CREBZF: variants seen among roughly 807,000 people sequenced by gnomAD.
CREBZF encodes HCF-binding transcription factor Zhangfei.
Under a neutral mutation model 21.1 loss-of-function variants are expected in CREBZF, and 8 were observed. That is an observed-to-expected ratio of 0.38 (90% CI 0.22 to 0.68). The LOEUF is 0.68. Ranked by LOEUF, CREBZF falls within the 30% of genes least tolerant of loss-of-function variation. The pLI is 0.51. For missense variants in CREBZF, 518 were observed against 484.3 expected (o/e 1.07, Z -0.65); for synonymous variants, 270 against 223.3 (o/e 1.21, Z -1.86).
intron 1 of CREBZF, among the ~76,000 whole-genome samples, chr11:85,673,251 T>C (rs1325694881): frequency 6.6e-6 from 1 of 152,100 alleles, no homozygotes; most frequent in Non-Finnish European, 1.5e-5. Flanking sequence ...ATTGGAGCAG[T>C]GATAGCAGGG....
intron 1 of CREBZF, among the ~76,000 whole-genome samples, chr11:85,676,970 CTT>C (rs1422368391): frequency 8.4e-6 from 1 of 118,634 alleles, no homozygotes. Context: ...CTTTTTCTGT[CTT>C]TTTTTTTTTG....
At chr11:85,682,149 A>C (rs1368509476) in intron 1 of CREBZF, among the ~76,000 whole-genome samples, 2 of 152,192 alleles carry the variant, frequency 1.3e-5, no homozygotes, top group African/African-American at 2.4e-5. Context: ...CCAGGGCCTT[A>C]GGTTCAAAAC....
At chr11:85,678,964 T>C (rs1356655393) in intron 1 of CREBZF, among the ~76,000 whole-genome samples, 2 of 152,118 alleles carry the variant, frequency 1.3e-5, no homozygotes, top group African/African-American at 4.8e-5. Context: ...AGGGGAAGGA[T>C]TGAGTAAGAT....
intron 1 of CREBZF, among the ~76,000 whole-genome samples, chr11:85,676,158 C>A (rs12271255): frequency 4.3e-4 from 66 of 152,262 alleles, no homozygotes; most frequent in African/African-American, 1.3e-3. Context: ...ACAGTTGCTG[C>A]CACTCAAGTT....
At chr11:85,665,209 G>C, upstream of CREBZF, 1 of 322,894 alleles carries the variant, frequency 3.1e-6, no homozygotes, top group Non-Finnish European at 5.9e-6. Context: ...GGGTGCTTTA[G>C]AGTGGGAATA....
rs766822001 is a variant in CREBZF, at chr11:85,664,654, G to T, written c.222C>A (p.Ala74=). The part of the protein sequence containing the change: ...EAGRGSRGGV[A]VRAPSPEEME... ...TCTCCTCGGGGGAGGGCGCGCGCAC[G>T]GCCACGCCGCCGCGGCTCCCCCTCC... The change falls in exon 1 of 1, where the codon GCC becomes GCA. Residue 74 remains alanine, a synonymous_variant. Transcript: ENST00000527447. The surrounding 1 kb of genome is among the most constrained non-coding windows in gnomAD (Gnocchi z 5.5). The T allele has an allele frequency of 5.0e-6, 8 of 1,604,844 alleles. No individual in the cohort carries two copies. In the African/African-American group the frequency reaches 8.1e-5, roughly 16 times the overall value.
rs1472496517 is a variant in CREBZF at position 85,664,015 on chromosome 11, C to G, written c.861G>C (p.Val287=). 1 of 1,612,924 alleles carries G rather than the reference C, an allele frequency of 6.2e-7. No individual in the cohort carries two copies. The highest frequency in any genetic ancestry group is 1.3e-5 in the African/African-American group (1 of 74,920). ...LARLLSRLSG[V]GLRLTTSLFR... Reference sequence around the variant, plus strand: ...AGAGCGAGGTGGTCAGCCGCAGTCCCACGCCGCTCAGCCGGCTCAGCAAGC... The same window carrying G: ...AGAGCGAGGTGGTCAGCCGCAGTCCGACGCCGCTCAGCCGGCTCAGCAAGC... Residue 287 remains valine, a synonymous_variant, in exon 1 of 1, where the codon GTG becomes GTC. Transcript: ENST00000527447. This position sits in a 1 kb window ranked among gnomAD's most constrained non-coding sequence, Gnocchi z 5.5.
rs990776752 is a variant in CREBZF, at chr11:85,665,050, G to A, written c.-175C>T. ...TAGTCGACCCCCCGCGCCAAGGCGC[G>A]GGGAGGGACGGGAGAACGAAGCGGT... On this transcript the variant is annotated 5_prime_UTR_variant, in exon 1 of 1. Transcript: ENST00000527447. The A allele has an allele frequency of 6.3e-5, 28 of 446,258 alleles. No individual in the cohort carries two copies. Among genetic ancestry groups the A allele is most frequent in the Admixed American group, 3.7e-4 (9 of 24,572 alleles). 27.6% of individuals were successfully genotyped at this position (446,258 alleles called of 1,614,324 possible).
In CREBZF at chr11:85,660,459, G is replaced by A; in HGVS notation, c.*3352C>T. On this transcript the variant is annotated 3_prime_UTR_variant, in exon 1 of 1. Coordinates refer to ENST00000527447, the MANE Select transcript of CREBZF (RefSeq NM_001039618.4). ...GTGAAATCAGTATAGAAGTAATTTGGGAACTTGAAAATGGCATTCATTTTT... is the reference window on the plus strand; with the variant it reads ...GTGAAATCAGTATAGAAGTAATTTGAGAACTTGAAAATGGCATTCATTTTT... The A allele has an allele frequency of 2.6e-6, 1 of 380,232 alleles. No individual in the cohort carries two copies. The highest frequency in any genetic ancestry group is 5.1e-6 in the Non-Finnish European group (1 of 195,826). 23.6% of individuals were successfully genotyped at this position (380,232 alleles called of 1,614,324 possible).
intron 1 of CREBZF, among the ~76,000 whole-genome samples, chr11:85,673,796 T>G (rs1032482101): frequency 6.6e-6 from 1 of 152,256 alleles, no homozygotes; most frequent in Admixed American, 6.5e-5. Context: ...CTTTATCAAC[T>G]GAGTTTATGT....
upstream of CREBZF, among the ~76,000 whole-genome samples, chr11:85,669,038 A>G (rs186554745): frequency 0.045 from 5,733 of 128,714 alleles, 513 homozygotes; most frequent in African/African-American, 0.16. Context: ...AAAAAAAAAA[A>G]AAAGAAACAT....
rs879588395 is a variant in CREBZF at position 85,659,712 on chromosome 11, G to A, written c.*4099C>T. On this transcript the variant is annotated 3_prime_UTR_variant, in exon 1 of 1. Coordinates refer to ENST00000527447, the MANE Select transcript of CREBZF (RefSeq NM_001039618.4). ...ATGAAATAAAACAATCCAGAGTTTT[G>A]AGTGTTTTTTCACACTTGTAATAAA... 1 of 151,846 alleles carries A rather than the reference G, an allele frequency of 6.6e-6. No individual in the cohort carries two copies. Among genetic ancestry groups the A allele is most frequent in the Non-Finnish European group, 1.5e-5 (1 of 67,894 alleles). The allele number at this position is 151,846 out of a possible 1,614,324, so 9.4% of individuals were successfully genotyped here. A position where few individuals can be genotyped will look rare whatever the true frequency, so the allele number is the denominator to read the frequency against.
Position 85,663,454 on chromosome 11 carries a change from C to A in CREBZF, c.*357G>T. 1.4e-6 allele frequency: 1 copy of A among 733,380 alleles called. No individual in the cohort carries two copies. The highest frequency in any genetic ancestry group is 2.4e-6 in the Non-Finnish European group (1 of 411,942). 45.4% of individuals were successfully genotyped at this position (733,380 alleles called of 1,614,324 possible). A position where few individuals can be genotyped will look rare whatever the true frequency, so the allele number is the denominator to read the frequency against. ...AAAAAAAAAATCACACACACACAAA[C>A]TGAGATGTTGCCCATTAAAGTAGAC... On this transcript the variant is annotated 3_prime_UTR_variant, in exon 1 of 1. Coordinates refer to ENST00000527447, the MANE Select transcript of CREBZF (RefSeq NM_001039618.4).
upstream of CREBZF, among the ~76,000 whole-genome samples, chr11:85,670,071 T>C (rs139328524): frequency 0.037 from 5,672 of 152,148 alleles, 154 homozygotes; most frequent in East Asian, 0.096. Flanking sequence ...CCTCCCAAAG[T>C]GCTGGGATTA....
upstream of CREBZF, among the ~76,000 whole-genome samples, chr11:85,667,966 T>TAAAA (rs10632068): frequency 6.8e-5 from 10 of 146,842 alleles, no homozygotes; most frequent in South Asian, 2.1e-4. Flanking sequence ...TAAGACTATG[T>TAAAA]AAAAAAAAAA....
chr11:85,662,183 A>G lies in CREBZF; in HGVS notation c.*1628T>C, dbSNP rs1024367650. The G allele has an allele frequency of 7.5e-6, 4 of 533,020 alleles. No homozygotes were observed. In the African/African-American group the frequency reaches 7.6e-5, roughly 10 times the overall value. The allele number at this position is 533,020 out of a possible 1,614,324, so 33.0% of individuals were successfully genotyped here. A position where few individuals can be genotyped will look rare whatever the true frequency, so the allele number is the denominator to read the frequency against. On this transcript the variant is annotated 3_prime_UTR_variant, in exon 1 of 1. Transcript: ENST00000527447. Reference sequence around the variant, plus strand: ...AACCAAAGACCAATTCAGGTCTCAAATCGTATTATCTAGCAACAAAACATT... The same window carrying G: ...AACCAAAGACCAATTCAGGTCTCAAGTCGTATTATCTAGCAACAAAACATT...
upstream of CREBZF, among the ~76,000 whole-genome samples, chr11:85,667,683 C>T (rs908910658): frequency 6.6e-6 from 1 of 152,118 alleles, no homozygotes; most frequent in Non-Finnish European, 1.5e-5. Flanking sequence ...AAAGACCAGG[C>T]TCAGCAGCTC....
rs979669718 is a variant in CREBZF at position 85,673,298 on chromosome 11, T to C, written n.147+9419A>G. ...GTTTTTCTGAGTAGATATAGTAGAA[T>C]GATAAATGTACAGGCATACCTCGGA... On this transcript the variant is annotated intron_variant and non_coding_transcript_variant, in intron 1 of 3. Transcript: ENST00000531515. Among the ~76,000 whole-genome samples the C allele has an allele frequency of 2.0e-5, 3 of 152,188 alleles. 1 individual carries two copies. Among genetic ancestry groups the C allele is most frequent in the Admixed American group, 2.0e-4 (3 of 15,276 alleles).
chr11:85,670,054 G>A (rs1239171082), upstream of CREBZF, among the ~76,000 whole-genome samples: 1 of 152,062 alleles, frequency 6.6e-6, no homozygotes, highest in Admixed American at 6.6e-5. Context: ...TGATCTGCCT[G>A]TCTCGGCCTC....
Sources: gnomAD v4.1 joint callset for allele counts (sites outside exome capture counted in the v4.1 genomes callset) on GRCh38, gnomAD v4.1.1 for gene constraint, Gnocchi (gnomAD v3.1) non-coding constraint, MANE v1.5 for transcripts, NCBI Gene and HGNC (gene_info 2026-07-23, HGNC 2026-07-21) for gene names.